Variants in NLRC3 observed in about 807,000 individuals in gnomAD.
NLRC3 encodes the protein NLR family CARD domain containing 3, also known as NLR family CARD domain-containing protein 3.
Under a neutral mutation model 91.6 loss-of-function variants are expected in NLRC3, and 87 were observed. The observed-to-expected ratio is 0.95, with a 90% confidence interval of 0.80 to 1.14. NLRC3 has a LOEUF of 1.14. NLRC3 is among the 50% of genes most tolerant of loss of function. The pLI, the probability that NLRC3 is intolerant of heterozygous loss-of-function variation, is 0.00. For missense variants in NLRC3, 1,577 were observed against 1,418.6 expected (o/e 1.11, Z -1.79); for synonymous variants, 694 against 625.3 (o/e 1.11, Z -1.64).
intron 2 of NLRC3, among the ~76,000 whole-genome samples, chr16:3,566,847 C>T (rs920106389): frequency 3.9e-5 from 6 of 152,064 alleles, no homozygotes; most frequent in Non-Finnish European, 8.8e-5. Flanking sequence ...GCTGAGATTG[C>T]GCCACTGCAC....
chr16:3,556,130 A>T (rs2039305653), intron 8 of NLRC3, among the ~76,000 whole-genome samples: 1 of 149,330 alleles, frequency 6.7e-6, no homozygotes, highest in South Asian at 2.1e-4. Context: ...GGAGCTCGAG[A>T]CCAGCCTGGT....
At chr16:3,565,468 GCAAAAAA>G in intron 2 of NLRC3, 88 bp from the exon 3 acceptor site, 3 of 5,978 alleles carry the variant, frequency 5.0e-4, no homozygotes, top group South Asian at 1.5e-3. Flanking sequence ...GTGGGAAAAA[GCAAAAAA>G]AAAAAAAAAA....
intron 1 of NLRC3, among the ~76,000 whole-genome samples, chr16:3,569,397 ATTTTTTT>A (rs1203778704): frequency 2.4e-5 from 1 of 41,046 alleles, no homozygotes; most frequent in African/African-American, 1.2e-4. Flanking sequence ...TATATATATT[ATTTTTTT>A]TTTTTTTTTT....
chr16:3,566,049 C>T (rs1299797933), intron 2 of NLRC3, among the ~76,000 whole-genome samples: 2 of 54,962 alleles, frequency 3.6e-5, no homozygotes, highest in Non-Finnish European at 7.0e-5. Flanking sequence ...CTAAGAAAAA[C>T]AAAATAAAAC....
intron 17 of NLRC3, 145 bp downstream of exon 17, chr16:3,543,280 G>T: frequency 1.5e-6 from 1 of 662,148 alleles, no homozygotes; most frequent in Non-Finnish European, 2.7e-6. Flanking sequence ...ATGAAGTGGG[G>T]CTGGGAAACT....
chr16:3,552,319 C>G, intron 9 of NLRC3, 40 bp from the exon 10 acceptor site: 2 of 1,424,490 alleles, frequency 1.4e-6, no homozygotes, highest in Non-Finnish European at 2.0e-6. Context: ...AAAGGCTGGT[C>G]ACAGCCATTC....
At chr16:3,574,390 C>G (rs962973504) in intron 1 of NLRC3, among the ~76,000 whole-genome samples, 2 of 152,016 alleles carry the variant, frequency 1.3e-5, no homozygotes, top group Non-Finnish European at 2.9e-5. Flanking sequence ...TTAAGCTCCT[C>G]CGGTGGTTCT....
rs1596454799 is a variant in NLRC3, at chr16:3,551,985, CCATCCATCCAT to C, written c.2351+200_2351+210del. On this transcript the variant is annotated intron_variant, in intron 10 of 19. Coordinates refer to ENST00000359128, the MANE Select transcript of NLRC3 (RefSeq NM_178844.4). ...CTCATCAGTGTATCCCTTCATTCAT[CCATCCATCCAT>C]CCATCCATCCATCCATCCATCCATC... Among the ~76,000 whole-genome samples the C allele has an allele frequency of 9.3e-5, 14 of 150,288 alleles. No individual in the cohort carries two copies. The South Asian group carries it at 1.7e-3, about 18-fold the overall frequency.
Position 3,540,956 on chromosome 16 carries a change from G to C in NLRC3, c.*869C>G, listed in dbSNP as rs1229314589. 1 of 152,276 alleles carries C rather than the reference G, an allele frequency of 6.6e-6. No homozygotes were observed. The highest frequency in any genetic ancestry group is 1.9e-4 in the East Asian group (1 of 5,194). 9.4% of individuals were successfully genotyped at this position (152,276 alleles called of 1,614,324 possible). On this transcript the variant is annotated 3_prime_UTR_variant, in exon 20 of 20. Transcript: ENST00000359128. Reference sequence around the variant, plus strand: ...GTGGTGGCTCATGCCTGTAATCCCAGTACTTTGGGAGGCCCAGGCTGATGG... The same window carrying C: ...GTGGTGGCTCATGCCTGTAATCCCACTACTTTGGGAGGCCCAGGCTGATGG...
chr16:3,553,703 ATATTTT>A (rs1160771273), intron 9 of NLRC3, among the ~76,000 whole-genome samples: 1 of 149,660 alleles, frequency 6.7e-6, no homozygotes, highest in Non-Finnish European at 1.5e-5. Flanking sequence ...ATTTTATTTT[ATATTTT>A]ATTATTTTAT....
At chr16:3,557,798 G>A (rs1012884200) in intron 6 of NLRC3, 122 bp from the exon 7 acceptor site, 1 of 660,674 alleles carries the variant, frequency 1.5e-6, no homozygotes, top group Non-Finnish European at 2.7e-6. Flanking sequence ...CTGGACATAG[G>A]TGGAGATGAG....
intron 1 of NLRC3, 128 bp downstream of exon 1, chr16:3,577,021 T>A (rs1187812100): frequency 1.5e-6 from 1 of 680,814 alleles, no homozygotes; most frequent in Non-Finnish European, 2.7e-6. Flanking sequence ...AGACAGCTTC[T>A]TGGAGTCTCG....
intron 1 of NLRC3, among the ~76,000 whole-genome samples, chr16:3,568,100 G>A (rs2039954451): frequency 6.6e-6 from 1 of 152,142 alleles, no homozygotes; most frequent in African/African-American, 2.4e-5. Flanking sequence ...TCTTGACCTT[G>A]TGATCTGCCC....
chr16:3,551,798 T>C (rs1184074384), intron 10 of NLRC3, among the ~76,000 whole-genome samples: 1 of 149,130 alleles, frequency 6.7e-6, no homozygotes, highest in Non-Finnish European at 1.5e-5. Flanking sequence ...CACTCATTCA[T>C]TTATCCATTC....
rs868424160 is a variant in NLRC3 at position 3,563,888 on chromosome 16, T to C, written c.1049A>G (p.Gln350Arg). 6.3e-7 allele frequency: 1 copy of C among 1,598,890 alleles called. No individual in the cohort carries two copies. ...GHLWRSRTGPQDAELWPPRTL... is the reference protein window; with the variant it reads ...GHLWRSRTGPRDAELWPPRTL... ...CCTCGGGGGCCACAGCTCTGCATCC[T>C]GGGGCCCCGTCCTGCTGCGCCACAG... The change falls in exon 5 of 20, where the codon CAG becomes CGG. Residue 350 changes from glutamine to arginine, a missense_variant. Coordinates refer to ENST00000359128, the MANE Select transcript of NLRC3 (RefSeq NM_178844.4).
At chr16:3,544,532 A>G in intron 15 of NLRC3, 1 of 571,506 alleles carries the variant, frequency 1.7e-6, no homozygotes, top group Non-Finnish European at 3.2e-6. Context: ...TGGGGCCTGC[A>G]TGAGTCTGAA....
chr16:3,555,749 C>CT (rs61266511), intron 8 of NLRC3: 25,408 of 141,578 alleles, frequency 0.18, 2,401 homozygotes, highest in South Asian at 0.28. Flanking sequence ...CTTTTCTTTT[C>CT]TTTTTTTTTT....
chr16:3,542,237 A>G lies in NLRC3; in HGVS notation c.3061T>C (p.Cys1021Arg), dbSNP rs1596418495. 6.3e-7 allele frequency: 1 copy of G among 1,595,080 alleles called. No homozygotes were observed. Among genetic ancestry groups the G allele is most frequent in the Non-Finnish European group, 8.5e-7 (1 of 1,170,534 alleles). Reference sequence around the variant, plus strand: ...TTTCCAGACAGTGCTGTGGCAATGCATATCGCCCCGTCCATCCCCAGAGAA... The same window carrying G: ...TTTCCAGACAGTGCTGTGGCAATGCGTATCGCCCCGTCCATCCCCAGAGAA... Reference protein sequence around the residue: ...ENSLGMDGAICIATALSGNHR... With the variant: ...ENSLGMDGAIRIATALSGNHR... The change falls in exon 19 of 20, where the codon TGC becomes CGC. Residue 1021 changes from cysteine to arginine, a missense_variant. Physicochemically the swap from Cys to Arg is radical, Grantham distance 180. Transcript: ENST00000359128.
In NLRC3 at chr16:3,563,744, CCCA is replaced by C; in HGVS notation, c.1190_1192del (p.Val397del). 6.2e-7 allele frequency: 1 copy of C among 1,613,536 alleles called. No individual in the cohort carries two copies. Among genetic ancestry groups the C allele is most frequent in the Non-Finnish European group, 8.5e-7 (1 of 1,179,812 alleles). On this transcript the variant is annotated inframe_deletion, in exon 5 of 20. Transcript: ENST00000359128. ...ATGGAAGGCCAGACGGCCCAATGTCCCCACCATCTTGCGGCCACCATGGGCCAC... is the reference window on the plus strand; with the variant it reads ...ATGGAAGGCCAGACGGCCCAATGTCCCCATCTTGCGGCCACCATGGGCCAC...
Sources: gnomAD v4.1 joint callset for allele counts (sites outside exome capture counted in the v4.1 genomes callset) on GRCh38, gnomAD v4.1.1 for gene constraint, MANE v1.5 for transcripts, NCBI Gene and HGNC (gene_info 2026-07-23, HGNC 2026-07-21) for gene names.